The following PALMD variants were observed in gnomAD, a reference collection of about 807,000 sequenced individuals.
PALMD encodes the protein paralemmin-like protein.
Under a neutral mutation model 56.2 loss-of-function variants are expected in PALMD, and 42 were observed. The observed-to-expected ratio is 0.75, with a 90% CI of 0.58 to 0.97. PALMD has a LOEUF of 0.97. Ranked by LOEUF, PALMD falls within the 50% of genes least tolerant of loss-of-function variation. The pLI, the probability that PALMD is intolerant of heterozygous loss-of-function variation, is 0.00. For missense variants in PALMD, 660 were observed against 643.8 expected, an observed-to-expected ratio of 1.03 and a Z score of -0.27; for synonymous variants, 242 against 222.9, an observed-to-expected ratio of 1.09 and a Z score of -0.76.
intron 3 of PALMD, among the ~76,000 whole-genome samples, chr1:99,673,794 C>A (rs535231516): frequency 9.2e-5 from 14 of 152,280 alleles, no homozygotes; most frequent in African/African-American, 3.4e-4. Context: ...GAAACACACA[C>A]ATACAAGCCC....
chr1:99,681,805 CT>C (rs1382422476), intron 3 of PALMD, among the ~76,000 whole-genome samples: 1 of 152,194 alleles, frequency 6.6e-6, no homozygotes, highest in African/African-American at 2.4e-5. Flanking sequence ...GCAAAACTGT[CT>C]CCAGACTTTG....
chr1:99,669,623 T>A (rs1336351715), intron 3 of PALMD: 1 of 152,274 alleles, frequency 6.6e-6, no homozygotes, highest in East Asian at 1.9e-4. Context: ...CTGCATCTGA[T>A]GATAATTGAA....
intron 2 of PALMD, among the ~76,000 whole-genome samples, chr1:99,665,216 A>G (rs1013136707): frequency 2.0e-5 from 3 of 152,102 alleles, no homozygotes; most frequent in African/African-American, 7.2e-5. Context: ...GCTCAGGAAA[A>G]CCTTTTCCTA....
intron 3 of PALMD, among the ~76,000 whole-genome samples, chr1:99,671,160 T>A (rs1653078674): frequency 6.6e-6 from 1 of 152,222 alleles, no homozygotes; most frequent in Non-Finnish European, 1.5e-5. Flanking sequence ...CATTTGCCAC[T>A]CTGCCAGGCC....
At chr1:99,656,585 C>A (rs1250212040) in intron 1 of PALMD, among the ~76,000 whole-genome samples, 2 of 152,122 alleles carry the variant, frequency 1.3e-5, no homozygotes, top group Non-Finnish European at 2.9e-5. Flanking sequence ...ACTAACTTGC[C>A]CCTTCCAATT....
At chr1:99,674,761 A>T (rs998036507) in intron 3 of PALMD, among the ~76,000 whole-genome samples, 2 of 152,232 alleles carry the variant, frequency 1.3e-5, no homozygotes, top group African/African-American at 4.8e-5. Context: ...CTGTGCTGAC[A>T]TGAGTAAAGA....
Position 99,689,227 on chromosome 1 carries a change from A to T in PALMD, c.967A>T (p.Ile323Phe), listed in dbSNP as rs1395450422. The T allele has an allele frequency of 6.2e-7, 1 of 1,613,730 alleles. No homozygotes were observed. Among genetic ancestry groups the T allele is most frequent in the Non-Finnish European group, 8.5e-7 (1 of 1,179,842 alleles). Residue 323 changes from isoleucine to phenylalanine, a missense_variant, in exon 7 of 8, where the codon ATT (isoleucine) becomes TTT (phenylalanine). Coordinates refer to ENST00000263174, the MANE Select transcript of PALMD (RefSeq NM_017734.5). ...RGNNFNHISP[I>F]PPVPHPRSVI... ...AAACAACTTCAATCACATCAGTCCC[A>T]TTCCGCCAGTGCCTCATCCCCGATC...
intron 1 of PALMD, among the ~76,000 whole-genome samples, chr1:99,661,618 G>C (rs1652848300): frequency 2.0e-5 from 3 of 152,248 alleles, no homozygotes; most frequent in South Asian, 4.1e-4. Context: ...GTCAAACCCA[G>C]GCTGTCTACT....
intron 7 of PALMD, chr1:99,690,132 A>G (rs1011454810): frequency 2.3e-5 from 11 of 469,110 alleles, no homozygotes; most frequent in African/African-American, 4.0e-5. Context: ...TTCATCTTCT[A>G]TCATGGTATG....
intron 3 of PALMD, 150 bp from the exon 4 acceptor site, chr1:99,686,526 T>C (rs1571075384): frequency 1.9e-6 from 1 of 527,504 alleles, no homozygotes; most frequent in East Asian, 3.1e-5. Context: ...TCATGCTTAG[T>C]GTGATGCTAA....
intron 1 of PALMD, 56 bp downstream of exon 1, chr1:99,646,418 C>G (rs1652445650): frequency 7.3e-7 from 1 of 1,378,616 alleles, no homozygotes. Flanking sequence ...GAAGGCAGAC[C>G]GTGGCCGGCT....
At chr1:99,671,873 A>G (rs1446505450) in intron 3 of PALMD, among the ~76,000 whole-genome samples, 3 of 152,210 alleles carry the variant, frequency 2.0e-5, no homozygotes, top group Non-Finnish European at 1.5e-5. Flanking sequence ...TCATACAGCA[A>G]AACGTAAAGA....
chr1:99,668,656 C>CA (rs1455433075), intron 3 of PALMD: 2 of 152,210 alleles, frequency 1.3e-5, no homozygotes, highest in African/African-American at 4.8e-5. Context: ...ATGATTTGGT[C>CA]ACAGGCGTTC....
intron 1 of PALMD, among the ~76,000 whole-genome samples, chr1:99,649,197 C>A (rs1449255059): frequency 6.6e-6 from 1 of 152,178 alleles, no homozygotes; most frequent in East Asian, 1.9e-4. Context: ...TCTTCCCTTA[C>A]TAAATTAATG....
At chr1:99,655,307 C>A (rs544623581) in intron 1 of PALMD, among the ~76,000 whole-genome samples, 1 of 151,788 alleles carries the variant, frequency 6.6e-6, no homozygotes, top group South Asian at 2.1e-4. Flanking sequence ...ATATTAAAAA[C>A]ATAAAAAACT....
At chr1:99,687,821 T>A (rs1199384274) in intron 6 of PALMD, among the ~76,000 whole-genome samples, 1 of 152,098 alleles carries the variant, frequency 6.6e-6, no homozygotes, top group Non-Finnish European at 1.5e-5. Flanking sequence ...ATACAGAGAA[T>A]AAAGCAGAGA....
chr1:99,646,423 C>T (rs982254793), intron 1 of PALMD, 61 bp downstream of exon 1: 34 of 1,313,848 alleles, frequency 2.6e-5, no homozygotes, highest in African/African-American at 4.3e-5. Context: ...CAGACCGTGG[C>T]CGGCTGCCCC....
chr1:99,646,883 A>C lies in PALMD; in HGVS notation c.45+521A>C, dbSNP rs1652455358. Among the ~76,000 whole-genome samples the C allele has an allele frequency of 3.3e-5, 5 of 152,338 alleles. No individual in the cohort carries two copies. In the South Asian group the frequency reaches 1.0e-3, roughly 32 times the overall value. On this transcript the variant is annotated intron_variant, in intron 1 of 7. Transcript: ENST00000263174. Reference sequence around the variant, plus strand: ...AAATGAATGTTAATATACGTAATTTAAGCATTAAACAAGAGAAAACTAGGT... The same window carrying C: ...AAATGAATGTTAATATACGTAATTTCAGCATTAAACAAGAGAAAACTAGGT...
intron 1 of PALMD, among the ~76,000 whole-genome samples, chr1:99,658,739 C>T (rs1652783622): frequency 6.6e-6 from 1 of 151,924 alleles, no homozygotes; most frequent in African/African-American, 2.4e-5. Flanking sequence ...CCATTGCACT[C>T]CAGCCTGGGT....
Sources: allele counts gnomAD v4.1 joint callset (sites outside exome capture counted in the v4.1 genomes callset), GRCh38; gene constraint gnomAD v4.1.1; transcripts MANE v1.5; gene names NCBI Gene and HGNC (gene_info 2026-07-23, HGNC 2026-07-21).